Variants in XRRA1 observed in about 807,000 individuals in gnomAD.
XRRA1 encodes X-ray radiation resistance-associated protein 1.
A neutral mutation model predicts 80.2 loss-of-function variants in XRRA1; 69 were observed. The observed-to-expected ratio is 0.86, with a 90% CI of 0.71 to 1.05. The LOEUF (loss-of-function observed/expected upper bound fraction) is 1.05, where lower values mean the gene tolerates loss of function less well. Ranked by LOEUF, XRRA1 falls within the 50% of genes least tolerant of loss-of-function variation. XRRA1 has a pLI of 0.00. For missense variants in XRRA1, 967 were observed against 976.4 expected (o/e 0.99, Z 0.13); for synonymous variants, 348 against 389.9 (o/e 0.89, Z 1.27).
At chr11:74,850,421 G>A (rs565852002) in intron 14 of XRRA1, among the ~76,000 whole-genome samples, 8 of 152,306 alleles carry the variant, frequency 5.3e-5, no homozygotes, top group South Asian at 4.1e-4. Context: ...CTCTGAGGAC[G>A]TCAGACAAGA....
chr11:74,921,356 C>T lies in XRRA1; in HGVS notation c.523-9G>A, dbSNP rs766051847. ...AAGGAAAGGTCCAAGAACTGCCATGCAAAGATGAAAGATGGGGAAGGTAAG... is the reference window on the plus strand; with the variant it reads ...AAGGAAAGGTCCAAGAACTGCCATGTAAAGATGAAAGATGGGGAAGGTAAG... On this transcript the variant is annotated splice_polypyrimidine_tract_variant and intron_variant, in intron 7 of 18. Transcript: ENST00000684022. 10 of 1,613,584 alleles carry T rather than the reference C, an allele frequency of 6.2e-6. No homozygotes were observed. In the African/African-American group the frequency reaches 1.3e-4, roughly 22 times the overall value.
At chr11:74,902,580 C>G (rs547335378) in intron 10 of XRRA1, among the ~76,000 whole-genome samples, 1 of 152,060 alleles carries the variant, frequency 6.6e-6, no homozygotes, top group Non-Finnish European at 1.5e-5. Context: ...GAGTACTATT[C>G]GGCCATTAAA....
intron 5 of XRRA1, among the ~76,000 whole-genome samples, chr11:74,931,423 C>A (rs1316737060): frequency 1.3e-5 from 2 of 151,564 alleles, no homozygotes; most frequent in Non-Finnish European, 2.9e-5. Flanking sequence ...CTTCTGGGTT[C>A]AAGTGATTCT....
At chr11:74,880,323 A>AT (rs953240685) in intron 10 of XRRA1, among the ~76,000 whole-genome samples, 4 of 152,122 alleles carry the variant, frequency 2.6e-5, no homozygotes, top group African/African-American at 9.7e-5. Context: ...CCCCTTTATC[A>AT]TTTTTTATTG....
chr11:74,864,343 A>G (rs1162781402), intron 10 of XRRA1, among the ~76,000 whole-genome samples: 2 of 152,226 alleles, frequency 1.3e-5, no homozygotes, highest in African/African-American at 4.8e-5. Flanking sequence ...TCAGAATGCA[A>G]AAAGGCAGAG....
At chr11:74,922,876 G>A (rs113501705) in intron 7 of XRRA1, among the ~76,000 whole-genome samples, 55 of 152,266 alleles carry the variant, frequency 3.6e-4, no homozygotes, top group African/African-American at 1.2e-3. Context: ...CTAGTATACA[G>A]TAAATGCTTA....
In XRRA1 at chr11:74,848,401, G is replaced by C. The variant is rs4944960; in HGVS notation, c.1442C>G (p.Thr481Arg). 0.28 allele frequency: 452,813 copies of C among 1,613,084 alleles called. 69,795 individuals are homozygous for C. Among genetic ancestry groups the C allele is most frequent in the East Asian group, 0.55 (24,816 of 44,810 alleles). The change falls in exon 15 of 19, where the codon ACG becomes AGG. Residue 481 changes from threonine (T) to arginine (R), a missense_variant. Coordinates refer to ENST00000684022, the MANE Select transcript of XRRA1 (RefSeq NM_001378157.1). ...ATCCTTTGAGGGAGACTTGGTTGTC[G>C]TCATGCGCGGGTGATGGAGCACCAG... is the stretch of plus-strand genomic sequence containing the variant. ...QPLVLHHPRM[T>R]TTKSPSKDML...
intron 10 of XRRA1, among the ~76,000 whole-genome samples, chr11:74,890,372 T>C (rs1403534202): frequency 2.6e-5 from 4 of 152,152 alleles, no homozygotes; most frequent in Non-Finnish European, 5.9e-5. Context: ...AGACACAACA[T>C]ACCAGAATCC....
At position 74,920,190 on chromosome 11, in the gene XRRA1, A is replaced by G. The variant is rs552897875; in HGVS notation, c.656+1024T>C. On this transcript the variant is annotated intron_variant, in intron 8 of 18. Transcript: ENST00000684022. ...AAGCATCCAGCAGACTGACCTCATG[A>G]TTTTTCACATACATGAACCAATAAA... 6.6e-5 allele frequency among the ~76,000 whole-genome samples: 10 copies of G among 152,226 alleles called. 1 individual carries two copies. In the South Asian group the frequency reaches 2.1e-3, roughly 32 times the overall value.
intron 10 of XRRA1, among the ~76,000 whole-genome samples, chr11:74,904,085 C>A (rs116721853): frequency 6.6e-6 from 1 of 151,956 alleles, no homozygotes; most frequent in East Asian, 1.9e-4. Context: ...TGATAAAGAA[C>A]CTAAGAATGA....
intron 10 of XRRA1, among the ~76,000 whole-genome samples, chr11:74,867,265 G>A (rs1461373067): frequency 2.0e-5 from 3 of 152,130 alleles, no homozygotes; most frequent in Non-Finnish European, 4.4e-5. Flanking sequence ...TTCAGAATAT[G>A]GATGGGAATG....
chr11:74,846,040 A>AT (rs2038039798), intron 15 of XRRA1: 1 of 152,160 alleles, frequency 6.6e-6, no homozygotes, highest in Non-Finnish European at 1.5e-5. Flanking sequence ...TTTGGCATCA[A>AT]TATGGTGACC....
chr11:74,903,998 T>TA (rs1301680815), intron 10 of XRRA1, among the ~76,000 whole-genome samples: 1 of 152,108 alleles, frequency 6.6e-6, no homozygotes, highest in Non-Finnish European at 1.5e-5. Flanking sequence ...TTGAAGAGAT[T>TA]AAAAATTATA....
rs554410598 is a variant in XRRA1, at chr11:74,843,154, A to G, written c.*46T>C. 3.2e-5 allele frequency: 49 copies of G among 1,517,134 alleles called. No individual in the cohort carries two copies. The African/African-American group carries it at 5.9e-4, about 18-fold the overall frequency. The allele number at this position is 1,517,134 out of a possible 1,614,324, so 94.0% of individuals were successfully genotyped here. ...TCCAGGGCACAGAGCCCTCGGGGAG[A>G]GCTGGGGCACAGGCCGGGTGGTGCA... On this transcript the variant is annotated 3_prime_UTR_variant, in exon 19 of 19. Transcript: ENST00000684022.
At chr11:74,906,543 A>C in intron 9 of XRRA1, 87 bp from the exon 10 acceptor site, 1 of 1,451,456 alleles carries the variant, frequency 6.9e-7, no homozygotes. Flanking sequence ...AAAAACATGG[A>C]ATCAGGCTTG....
intron 10 of XRRA1, among the ~76,000 whole-genome samples, chr11:74,875,712 T>TA (rs1301488010): frequency 3.3e-5 from 5 of 152,060 alleles, no homozygotes; most frequent in Admixed American, 1.3e-4. Flanking sequence ...CTACTAATAA[T>TA]ACAAAGAAAT....
intron 10 of XRRA1, among the ~76,000 whole-genome samples, chr11:74,894,230 G>T (rs2051615224): frequency 1.3e-5 from 2 of 152,086 alleles, no homozygotes; most frequent in Non-Finnish European, 2.9e-5. Context: ...TTAACACAAA[G>T]AAAAGAAAAA....
chr11:74,932,464 A>C (rs1438324688), intron 5 of XRRA1, among the ~76,000 whole-genome samples: 1 of 152,100 alleles, frequency 6.6e-6, no homozygotes, highest in Non-Finnish European at 1.5e-5. Context: ...TCTCTACTGG[A>C]CTATATGCTC....
intron 8 of XRRA1, among the ~76,000 whole-genome samples, chr11:74,917,844 C>T (rs1424709318): frequency 2.6e-5 from 4 of 152,044 alleles, no homozygotes; most frequent in African/African-American, 4.8e-5. Context: ...AACTGGAAGT[C>T]GAGATTGCTA....
Sources: gnomAD v4.1 joint callset for allele counts (sites outside exome capture counted in the v4.1 genomes callset) on GRCh38, gnomAD v4.1.1 for gene constraint, MANE v1.5 for transcripts, NCBI Gene and HGNC (gene_info 2026-07-23, HGNC 2026-07-21) for gene names.